CPNE4: variants seen among roughly 807,000 people sequenced by gnomAD.
The protein encoded by CPNE4 is copine-4.
Under a neutral mutation model 67.9 loss-of-function variants are expected in CPNE4, and 25 were observed. The observed-to-expected ratio is 0.37, with a 90% CI of 0.27 to 0.51. The LOEUF (loss-of-function observed/expected upper bound fraction) is 0.51. Among genes scored for constraint, CPNE4 ranks in the 20% least tolerant of loss-of-function variants. The pLI is 0.93. For missense variants in CPNE4, 464 were observed against 690.8 expected, an observed-to-expected ratio of 0.67 and a Z score of 3.68; for synonymous variants, 242 against 244.9, an observed-to-expected ratio of 0.99 and a Z score of 0.11.
chr3:132,005,338 TATATACAC>T (rs1432087272), intron 1 of CPNE4, among the ~76,000 whole-genome samples: 24 of 29,680 alleles, frequency 8.1e-4, no homozygotes, highest in South Asian at 1.4e-3. Flanking sequence ...TATATATATA[TATATACAC>T]ACACACACAC....
intron 3 of CPNE4, among the ~76,000 whole-genome samples, chr3:131,706,593 G>A (rs2081418722): frequency 6.6e-6 from 1 of 152,100 alleles, no homozygotes; most frequent in Non-Finnish European, 1.5e-5. Context: ...ATAGGAAGGG[G>A]GAGTCAGACA....
chr3:131,672,456 G>A (rs773705302), intron 6 of CPNE4, among the ~76,000 whole-genome samples: 7 of 152,048 alleles, frequency 4.6e-5, no homozygotes, highest in Non-Finnish European at 1.0e-4. Context: ...AACAGTATAT[G>A]ACAGTTCCCT....
intron 2 of CPNE4, among the ~76,000 whole-genome samples, chr3:131,730,913 T>C (rs1424037224): frequency 1.3e-5 from 2 of 152,184 alleles, no homozygotes; most frequent in Admixed American, 1.3e-4. Context: ...CAGTTTATGG[T>C]ACTTTGCTAT....
rs1296311932 is a variant in CPNE4, at chr3:132,034,944, C to T, written c.-379G>A. 5.1e-6 allele frequency: 5 copies of T among 985,220 alleles called. No homozygotes were observed. Among genetic ancestry groups the T allele is most frequent in the Non-Finnish European group, 4.8e-6 (4 of 830,032 alleles). 61.0% of individuals were successfully genotyped at this position (985,220 alleles called of 1,614,324 possible). ...CGAGGGAGGAAGGAAAGGAGGGTGG[C>T]AGAAAGAGAAGGGGACGAGCGGGTG... On this transcript the variant is annotated 5_prime_UTR_variant, in exon 1 of 16. Coordinates refer to ENST00000429747, the MANE Select transcript of CPNE4 (RefSeq NM_130808.3).
intron 2 of CPNE4, among the ~76,000 whole-genome samples, chr3:131,801,516 TA>T (rs1269795582): frequency 2.3e-5 from 3 of 130,532 alleles, no homozygotes; most frequent in Admixed American, 8.0e-5. Context: ...ACGATTAGGG[TA>T]AAAAAAAAGT....
At chr3:131,927,158 G>T (rs1463810066) in intron 1 of CPNE4, among the ~76,000 whole-genome samples, 1 of 152,080 alleles carries the variant, frequency 6.6e-6, no homozygotes, top group Non-Finnish European at 1.5e-5. Context: ...CTATTTTACG[G>T]ATGGGTAAAT....
At chr3:131,855,102 A>T (rs1428339190) in intron 2 of CPNE4, among the ~76,000 whole-genome samples, 1 of 151,942 alleles carries the variant, frequency 6.6e-6, no homozygotes, top group Non-Finnish European at 1.5e-5. Flanking sequence ...AGTGTATTTC[A>T]CATAAGCCTC....
chr3:131,570,553 T>C (rs1161999833), intron 10 of CPNE4, among the ~76,000 whole-genome samples: 1 of 152,054 alleles, frequency 6.6e-6, no homozygotes, highest in Non-Finnish European at 1.5e-5. Context: ...AATTCTAGTA[T>C]CTGGTTTTAT....
chr3:131,587,264 G>T (rs187613398), intron 8 of CPNE4, among the ~76,000 whole-genome samples: 1 of 152,270 alleles, frequency 6.6e-6, no homozygotes, highest in East Asian at 1.9e-4. Flanking sequence ...TTTACTAATG[G>T]AGAAACTGTA....
chr3:131,717,965 TTCTC>T (rs71622071), intron 3 of CPNE4, among the ~76,000 whole-genome samples: 12 of 149,250 alleles, frequency 8.0e-5, no homozygotes, highest in Admixed American at 3.4e-4. Context: ...CTCTCTTTCT[TTCTC>T]TCTCTCTGTC....
intron 1 of CPNE4, among the ~76,000 whole-genome samples, chr3:131,974,805 C>G (rs1235341488): frequency 6.6e-6 from 1 of 152,038 alleles, no homozygotes; most frequent in Admixed American, 6.5e-5. Context: ...CTCAGGAGTT[C>G]GAGACCAGCC....
chr3:131,558,072 A>C (rs759641560), intron 11 of CPNE4, among the ~76,000 whole-genome samples: 1 of 151,978 alleles, frequency 6.6e-6, no homozygotes, highest in Non-Finnish European at 1.5e-5. Flanking sequence ...TGGGGATTCA[A>C]TGTTTGCTGA....
At chr3:131,787,495 C>T (rs767551510) in intron 2 of CPNE4, among the ~76,000 whole-genome samples, 19 of 152,216 alleles carry the variant, frequency 1.2e-4, no homozygotes, top group Admixed American at 3.3e-4. Flanking sequence ...ACTGGATGCC[C>T]CGCAAAGGGC....
At chr3:131,614,830 A>G (rs1195649254) in intron 7 of CPNE4, among the ~76,000 whole-genome samples, 1 of 152,226 alleles carries the variant, frequency 6.6e-6, no homozygotes, top group Non-Finnish European at 1.5e-5. Flanking sequence ...CTTGTTCTTA[A>G]TACTTGTTCT....
At chr3:131,700,054 C>CTTTTT (rs3035263) in intron 3 of CPNE4, 74 bp from the exon 4 acceptor site, 25 of 254,740 alleles carry the variant, frequency 9.8e-5, no homozygotes, top group Admixed American at 1.9e-4. Context: ...TTTTTTAAAC[C>CTTTTT]TTTTTTTTTT....
At chr3:131,667,364 A>C (rs1400013271) in intron 7 of CPNE4, among the ~76,000 whole-genome samples, 1 of 152,164 alleles carries the variant, frequency 6.6e-6, no homozygotes, top group Admixed American at 6.5e-5. Context: ...AGTGGTTCTT[A>C]ACTGGAAGTG....
chr3:131,663,335 G>A (rs936432665), intron 7 of CPNE4, among the ~76,000 whole-genome samples: 2 of 152,002 alleles, frequency 1.3e-5, no homozygotes, highest in African/African-American at 2.4e-5. Flanking sequence ...AGGGGAGGGA[G>A]AGCATCAGGA....
intron 12 of CPNE4, among the ~76,000 whole-genome samples, chr3:131,553,605 T>G (rs1232330452): frequency 1.3e-5 from 2 of 152,086 alleles, no homozygotes; most frequent in Non-Finnish European, 2.9e-5. Context: ...CCAACAGCGG[T>G]AACTGACTTG....
chr3:131,845,790 T>C (rs1313867639), intron 2 of CPNE4, among the ~76,000 whole-genome samples: 2 of 152,190 alleles, frequency 1.3e-5, no homozygotes, highest in Non-Finnish European at 2.9e-5. Flanking sequence ...CTGAAGTTTA[T>C]GTAGAGGTTG....
Sources: gnomAD v4.1 joint callset for allele counts (sites outside exome capture counted in the v4.1 genomes callset) on GRCh38, gnomAD v4.1.1 for gene constraint, MANE v1.5 for transcripts, NCBI Gene and HGNC (gene_info 2026-07-23, HGNC 2026-07-21) for gene names.